FGD4: variants seen among roughly 807,000 people sequenced by gnomAD.
FGD4 encodes FYVE, RhoGEF and PH domain-containing protein 4.
A neutral mutation model predicts 102.0 loss-of-function variants in FGD4; 42 were observed. The ratio of observed to expected loss-of-function variants is 0.41; its 90% confidence interval spans 0.32 to 0.53. FGD4 has a LOEUF of 0.53. Ranked by LOEUF, FGD4 falls within the 20% of genes least tolerant of loss-of-function variation. The pLI is 0.21. For synonymous variants in FGD4, 380 were observed against 375.7 expected (o/e 1.01, Z -0.13); for missense variants, 902 against 1,078.2 (o/e 0.84, Z 2.29).
At chr12:32,556,649 G>A (rs1015653271) in intron 1 of FGD4, among the ~76,000 whole-genome samples, 13 of 152,180 alleles carry the variant, frequency 8.5e-5, no homozygotes, top group Non-Finnish European at 1.2e-4. Flanking sequence ...CTGAAGTCAG[G>A]AGTTCGAGAC....
In FGD4 at chr12:32,644,955, C is replaced by T. The variant is rs1466807053; in HGVS notation, c.*4422C>T. On this transcript the variant is annotated 3_prime_UTR_variant, in exon 17 of 17. Transcript: ENST00000534526. ...TCTGGACTGAGCATTTGGCAGAATG[C>T]AGTATCTTTTCCTGTATTTTGACAT... 6.6e-6 allele frequency: 1 copy of T among 151,584 alleles called. No individual in the cohort carries two copies. Among genetic ancestry groups the T allele is most frequent in the Non-Finnish European group, 1.5e-5 (1 of 67,968 alleles). 9.4% of individuals were successfully genotyped at this position (151,584 alleles called of 1,614,324 possible).
In FGD4 at chr12:32,565,474, A is replaced by G. The variant is rs367919951; in HGVS notation, c.319+1185A>G. Among the ~76,000 whole-genome samples, 4 of 152,378 alleles carry G rather than the reference A, an allele frequency of 2.6e-5. No individual in the cohort carries two copies. The East Asian group carries it at 5.8e-4, about 22-fold the overall frequency. The stretch of plus-strand genomic sequence containing the variant: ...ATTTAAGCCTTTTTATTTCCAAAAT[A>G]TAAAATTCCATTTCGCCCATTAGAC... On this transcript the variant is annotated intron_variant, in intron 2 of 16. Transcript: ENST00000534526.
chr12:32,530,118 TG>T (rs746501339), intron 1 of FGD4, among the ~76,000 whole-genome samples: 9 of 152,098 alleles, frequency 5.9e-5, no homozygotes. Flanking sequence ...CCATGGAAAA[TG>T]GTAAGCTGTT....
chr12:32,558,693 A>C (rs1944307139), intron 1 of FGD4, among the ~76,000 whole-genome samples: 1 of 152,276 alleles, frequency 6.6e-6, no homozygotes, highest in Non-Finnish European at 1.5e-5. Context: ...GACTTAGCGC[A>C]TGACTGTTTA....
chr12:32,451,397 C>T (rs1942771021), intron 1 of FGD4, among the ~76,000 whole-genome samples: 1 of 152,222 alleles, frequency 6.6e-6, no homozygotes, highest in East Asian at 1.9e-4. Flanking sequence ...GCTTAAAAGT[C>T]CCATGTGTCT....
intron 4 of FGD4, among the ~76,000 whole-genome samples, chr12:32,588,140 C>T (rs1178064577): frequency 6.6e-6 from 1 of 152,186 alleles, no homozygotes; most frequent in Non-Finnish European, 1.5e-5. Flanking sequence ...AGGAAAAAAG[C>T]ATGGTCAGCA....
intron 1 of FGD4, chr12:32,534,160 A>G (rs2136084264): frequency 3.3e-6 from 1 of 299,256 alleles, no homozygotes; most frequent in East Asian, 1.7e-4. Flanking sequence ...TAAAGGTTCC[A>G]TGTGCCTCAG....
rs536776977 is a variant in FGD4 at position 32,584,303 on chromosome 12, G to A, written c.1011+1836G>A. ...GTGTGTTCACCTTTGCTGCACTGAT[G>A]TTTGTTATGTTGCCTTTCCTTGTTC... On this transcript the variant is annotated intron_variant, in intron 4 of 16. Transcript: ENST00000534526. Among the ~76,000 whole-genome samples, 5 of 152,282 alleles carry A rather than the reference G, an allele frequency of 3.3e-5. No homozygotes were observed. In the East Asian group the frequency reaches 5.8e-4, roughly 18 times the overall value.
chr12:32,563,293 C>T (rs1385943355), intron 1 of FGD4, among the ~76,000 whole-genome samples: 3 of 149,340 alleles, frequency 2.0e-5, no homozygotes, highest in East Asian at 2.0e-4. Context: ...ACGGGGCGGC[C>T]GGGCAGAGAC....
In FGD4 at chr12:32,527,751, A is replaced by G. The variant is rs563912188; in HGVS notation, c.167-36386A>G. Among the ~76,000 whole-genome samples, 132 of 152,104 alleles carry G rather than the reference A, an allele frequency of 8.7e-4. 1 individual carries two copies. Among genetic ancestry groups the G allele is most frequent in the African/African-American group, 3.1e-3 (127 of 41,526 alleles). On this transcript the variant is annotated intron_variant, in intron 1 of 16. Transcript: ENST00000534526. ...GCCTATCTTAGTATTTTAATGTAGT[A>G]AGTCAACCACGGTGAGAGGAAATGC...
Position 32,570,984 on chromosome 12 carries a change from A to C in FGD4, c.320-5282A>C, listed in dbSNP as rs78227355. On this transcript the variant is annotated intron_variant, in intron 2 of 16. Coordinates refer to ENST00000534526, the MANE Select transcript of FGD4 (RefSeq NM_001370298.3). Reference sequence around the variant, plus strand: ...TGGTTATCTTAAAAATAGACGTCTCATATATGTTAATCTTGTGCAAGTACA... The same window carrying C: ...TGGTTATCTTAAAAATAGACGTCTCCTATATGTTAATCTTGTGCAAGTACA... Among the ~76,000 whole-genome samples the C allele has an allele frequency of 1.4e-3, 211 of 152,308 alleles. 1 individual carries two copies. The highest frequency in any genetic ancestry group is 4.9e-3 in the African/African-American group (205 of 41,566).
chr12:32,493,517 G>T (rs117510574), intron 1 of FGD4, among the ~76,000 whole-genome samples: 2,470 of 152,282 alleles, frequency 0.016, 46 homozygotes, highest in Non-Finnish European at 0.022. Flanking sequence ...TCAGACACTT[G>T]CCACCCACCT....
intron 1 of FGD4, among the ~76,000 whole-genome samples, chr12:32,500,800 C>T (rs1938161719): frequency 6.6e-6 from 1 of 152,160 alleles, no homozygotes; most frequent in African/African-American, 2.4e-5. Flanking sequence ...CATCACCATT[C>T]TTCTAATTCT....
At chr12:32,569,019 A>G (rs1329657222) in intron 2 of FGD4, among the ~76,000 whole-genome samples, 1 of 152,200 alleles carries the variant, frequency 6.6e-6, no homozygotes, top group Non-Finnish European at 1.5e-5. Flanking sequence ...TCTGCCTGCT[A>G]TGTCACTTGA....
chr12:32,549,004 G>C (rs995593762), intron 1 of FGD4, among the ~76,000 whole-genome samples: 1 of 152,172 alleles, frequency 6.6e-6, no homozygotes, highest in Non-Finnish European at 1.5e-5. Flanking sequence ...AGAGTCCCTA[G>C]GGCAGCTTTT....
chr12:32,474,505 A>G (rs776253766), intron 1 of FGD4, among the ~76,000 whole-genome samples: 24 of 152,244 alleles, frequency 1.6e-4, no homozygotes, highest in Non-Finnish European at 2.6e-4. Flanking sequence ...CATGTGTTGT[A>G]TGCTTCCATG....
At chr12:32,502,899 C>T (rs1179695945) in intron 1 of FGD4, among the ~76,000 whole-genome samples, 1 of 152,184 alleles carries the variant, frequency 6.6e-6, no homozygotes, top group Admixed American at 6.5e-5. Context: ...TGCATGCAGG[C>T]ACCGTGGTAA....
intron 1 of FGD4, among the ~76,000 whole-genome samples, chr12:32,508,027 C>T (rs781289765): frequency 2.6e-4 from 40 of 152,178 alleles, no homozygotes; most frequent in Non-Finnish European, 5.1e-4. Context: ...AGTACCAGGA[C>T]ATGCTCTGCA....
intron 1 of FGD4, among the ~76,000 whole-genome samples, chr12:32,557,227 T>C (rs970997224): frequency 2.0e-5 from 3 of 152,234 alleles, no homozygotes; most frequent in Admixed American, 1.3e-4. Flanking sequence ...ATATAAGTGA[T>C]ATATAAATAC....
Sources: gnomAD v4.1 joint callset for allele counts (sites outside exome capture counted in the v4.1 genomes callset) on GRCh38, gnomAD v4.1.1 for gene constraint, MANE v1.5 for transcripts, NCBI Gene and HGNC (gene_info 2026-07-23, HGNC 2026-07-21) for gene names.